The following C2orf42 variants were observed in gnomAD, a reference collection of about 807,000 sequenced individuals.
The protein encoded by C2orf42 is uncharacterized protein C2orf42.
A neutral mutation model predicts 58.9 loss-of-function variants in C2orf42; 44 were observed. The observed-to-expected ratio is 0.75, with a 90% confidence interval of 0.59 to 0.96. C2orf42 has a LOEUF of 0.96. Among genes scored for constraint, C2orf42 ranks in the 40% least tolerant of loss-of-function variants. The pLI is 0.00. For missense variants in C2orf42, 630 were observed against 699.2 expected (o/e 0.90, Z 1.12); for synonymous variants, 239 against 265.4 (o/e 0.90, Z 0.97).
intron 1 of C2orf42, among the ~76,000 whole-genome samples, chr2:70,185,853 G>C (rs1415041092): frequency 6.6e-6 from 1 of 151,184 alleles, no homozygotes; most frequent in Admixed American, 6.6e-5. Flanking sequence ...TGCATAGCAG[G>C]GTTTCTCCAC....
rs1286827064 is a variant in C2orf42, at chr2:70,150,007, G to A, written c.*349C>T. On this transcript the variant is annotated 3_prime_UTR_variant, in exon 10 of 10. Transcript: ENST00000264434. ...GTGTTAACTTTCCAACACTGTTGGT[G>A]TATGGCTGAGTGCTGCAGATTTCTC... The A allele has an allele frequency of 9.2e-6, 3 of 324,618 alleles. No individual in the cohort carries two copies. The highest frequency in any genetic ancestry group is 1.2e-5 in the Non-Finnish European group (2 of 169,420). The allele number at this position is 324,618 out of a possible 1,614,324, so 20.1% of individuals were successfully genotyped here. A position where few individuals can be genotyped will look rare whatever the true frequency, so the allele number is the denominator to read the frequency against.
chr2:70,173,267 CT>C (rs202063318), intron 5 of C2orf42, among the ~76,000 whole-genome samples: 1,178 of 95,674 alleles, frequency 0.012, 2 homozygotes, highest in Non-Finnish European at 0.018. Flanking sequence ...TGCGTAAGTT[CT>C]TTTTTTTTTT....
intron 5 of C2orf42, among the ~76,000 whole-genome samples, chr2:70,170,315 C>T (rs1030872130): frequency 6.6e-6 from 1 of 151,022 alleles, no homozygotes; most frequent in Non-Finnish European, 1.5e-5. Context: ...GGCATGATCT[C>T]AGCTCACTGC....
chr2:70,174,764 G>C (rs1018847976), intron 5 of C2orf42, among the ~76,000 whole-genome samples: 3 of 151,520 alleles, frequency 2.0e-5, no homozygotes, highest in Admixed American at 2.0e-4. Flanking sequence ...TCTGCCTCCC[G>C]GGTTCAAGTG....
chr2:70,155,624 C>A (rs1672616149), intron 9 of C2orf42, among the ~76,000 whole-genome samples: 4 of 151,238 alleles, frequency 2.6e-5, no homozygotes, highest in Admixed American at 2.6e-4. Flanking sequence ...TATGGTGAAA[C>A]CCCATCTCTA....
intron 5 of C2orf42, among the ~76,000 whole-genome samples, chr2:70,172,770 T>C (rs191243797): frequency 1.4e-4 from 22 of 152,274 alleles, no homozygotes; most frequent in Admixed American, 1.3e-3. Context: ...TCAATGACTA[T>C]TCATTTAAAA....
intron 8 of C2orf42, among the ~76,000 whole-genome samples, chr2:70,161,355 A>C (rs1201225960): frequency 6.6e-6 from 1 of 152,186 alleles, no homozygotes; most frequent in Non-Finnish European, 1.5e-5. Flanking sequence ...AATGCCTGAC[A>C]GTGAGAAGCT....
chr2:70,162,196 A>C (rs1166054401), intron 8 of C2orf42, among the ~76,000 whole-genome samples: 1 of 151,688 alleles, frequency 6.6e-6, no homozygotes, highest in Non-Finnish European at 1.5e-5. Flanking sequence ...ATTCTAGTAG[A>C]GACGGGTTTT....
chr2:70,189,258 T>C (rs1167115300), intron 1 of C2orf42, among the ~76,000 whole-genome samples: 1 of 150,318 alleles, frequency 6.7e-6, no homozygotes, highest in Non-Finnish European at 1.5e-5. Flanking sequence ...AATACAAAAT[T>C]AGCCGGGCGT....
chr2:70,156,734 T>C (rs937763666), intron 9 of C2orf42, among the ~76,000 whole-genome samples: 9 of 151,960 alleles, frequency 5.9e-5, no homozygotes, highest in Admixed American at 1.3e-4. Context: ...TGGTGGCACA[T>C]GCCTGTAGTC....
In C2orf42 at chr2:70,150,572, GAAGA is replaced by G. The variant is rs1055621327; in HGVS notation, c.1517-12_1517-9del. 1 of 1,603,240 alleles carries G rather than the reference GAAGA, an allele frequency of 6.2e-7. No homozygotes were observed. Among genetic ancestry groups the G allele is most frequent in the African/African-American group, 1.3e-5 (1 of 74,852 alleles). ...GATCTGGGGAAGTGTTGCCTAAAGA[GAAGA>G]AAGGAGTATTAGTACAATTCCACCT... On this transcript the variant is annotated splice_polypyrimidine_tract_variant and intron_variant, in intron 9 of 9. Transcript: ENST00000264434.
intron 7 of C2orf42, 110 bp downstream of exon 7, chr2:70,165,418 T>C (rs1673331962): frequency 2.9e-6 from 2 of 691,094 alleles, no homozygotes; most frequent in East Asian, 2.6e-5. Context: ...GACATGTGAG[T>C]AGAAGTCCTA....
intron 6 of C2orf42, among the ~76,000 whole-genome samples, chr2:70,166,286 T>G (rs1673397009): frequency 6.7e-6 from 1 of 149,078 alleles, no homozygotes; most frequent in South Asian, 2.1e-4. Flanking sequence ...TCGAGGAGGT[T>G]GAGGCTGCAG....
chr2:70,179,684 G>C, intron 3 of C2orf42, 42 bp from the exon 4 acceptor site: 2 of 849,418 alleles, frequency 2.4e-6, no homozygotes, highest in Non-Finnish European at 4.0e-6. Context: ...CCTATCCAAG[G>C]GTAAGTATAA....
chr2:70,157,802 C>T (rs933293808), intron 9 of C2orf42, among the ~76,000 whole-genome samples: 4 of 152,080 alleles, frequency 2.6e-5, no homozygotes, highest in Non-Finnish European at 4.4e-5. Flanking sequence ...ATCTGAAAAA[C>T]AAACAAAAAC....
chr2:70,167,745 TAAA>T (rs1195832323), intron 6 of C2orf42, among the ~76,000 whole-genome samples: 3 of 151,094 alleles, frequency 2.0e-5, no homozygotes, highest in Non-Finnish European at 3.0e-5. Context: ...TCTCAAAAAA[TAAA>T]AAAGAATTAA....
chr2:70,157,530 C>T (rs972888032), intron 9 of C2orf42, among the ~76,000 whole-genome samples: 1 of 152,218 alleles, frequency 6.6e-6, no homozygotes, highest in African/African-American at 2.4e-5. Context: ...GGCGCGGTGG[C>T]TCACGCCTGT....
At chr2:70,185,126 C>G (rs1022062557) in intron 1 of C2orf42, among the ~76,000 whole-genome samples, 1 of 151,738 alleles carries the variant, frequency 6.6e-6, no homozygotes, top group East Asian at 1.9e-4. Context: ...TTAGGCTGGG[C>G]GCAGTGGCTC....
chr2:70,169,471 C>A, intron 6 of C2orf42, 86 bp downstream of exon 6: 1 of 645,086 alleles, frequency 1.6e-6, no homozygotes, highest in Non-Finnish European at 2.8e-6. Flanking sequence ...AGTCCAATTA[C>A]TTTTCCTATC....
Sources: allele counts gnomAD v4.1 joint callset (sites outside exome capture counted in the v4.1 genomes callset), GRCh38; gene constraint gnomAD v4.1.1; transcripts MANE v1.5; gene names NCBI Gene and HGNC (gene_info 2026-07-23, HGNC 2026-07-21).